NDUFS6: variants seen among roughly 807,000 people sequenced by gnomAD.
NDUFS6 encodes NADH dehydrogenase [ubiquinone] iron-sulfur protein 6, mitochondrial.
A neutral mutation model predicts 13.2 loss-of-function variants in NDUFS6; 14 were observed. The ratio of observed to expected loss-of-function variants is 1.06; its 90% CI spans 0.70 to 1.66. The LOEUF (loss-of-function observed/expected upper bound fraction) is 1.66, where lower values mean the gene tolerates loss of function less well. NDUFS6 is among the 40% of genes most tolerant of loss of function. The probability of loss-of-function intolerance (pLI) is 0.00; values close to 1 mark genes in which losing one functional copy is unlikely to be tolerated. For synonymous variants in NDUFS6, 95 were observed against 72.3 expected, an observed-to-expected ratio of 1.31 and a Z score of -1.60; for missense variants, 206 against 170.8, an observed-to-expected ratio of 1.21 and a Z score of -1.15.
Position 1,802,305 on chromosome 5 carries a change from TTTTG to T in NDUFS6, c.133-12_133-9del, listed in dbSNP as rs1181656928. Reference sequence around the variant, plus strand: ...AGGCCGTAAAAGTCACACATGGTCTTTTTGTTTTTTTCCAGGTTTATGATGATAA... The same window carrying T: ...AGGCCGTAAAAGTCACACATGGTCTTTTTTTTTCCAGGTTTATGATGATAA... On this transcript the variant is annotated splice_polypyrimidine_tract_variant and intron_variant, in intron 1 of 3. Transcript: ENST00000274137. 1 of 1,613,242 alleles carries T rather than the reference TTTTG, an allele frequency of 6.2e-7. No individual in the cohort carries two copies. Among genetic ancestry groups the T allele is most frequent in the Non-Finnish European group, 8.5e-7 (1 of 1,179,310 alleles).
In NDUFS6 at chr5:1,814,395, G is replaced by A. The variant is rs1249818876; in HGVS notation, c.243G>A (p.Glu81=). The A allele has an allele frequency of 1.9e-6, 3 of 1,614,084 alleles. No homozygotes were observed. In the African/African-American group the frequency reaches 4.0e-5, roughly 22 times the overall value. ...CAGAGCAGCCCGTGAGCGAGGTGGA[G>A]ACTCGGGTGATAGCGTGCGATGGCG... The part of the protein sequence containing the change: ...LIAEQPVSEV[E]TRVIACDGGG... Residue 81 remains glutamate, a synonymous_variant, in exon 3 of 4, where the codon GAG becomes GAA. Transcript: ENST00000274137. This position sits in a 1 kb window ranked among gnomAD's most constrained non-coding sequence, Gnocchi z 4.9.
chr5:1,811,743 C>T (rs1734222731), intron 2 of NDUFS6, among the ~76,000 whole-genome samples: 1 of 152,182 alleles, frequency 6.6e-6, no homozygotes, highest in African/African-American at 2.4e-5. Context: ...AAGACTTGAT[C>T]AGATTGAGGG....
chr5:1,810,074 C>G (rs987595356), intron 2 of NDUFS6, among the ~76,000 whole-genome samples: 1 of 142,580 alleles, frequency 7.0e-6, no homozygotes, highest in Non-Finnish European at 1.6e-5. Flanking sequence ...GCCCTGCCTC[C>G]CACTGCGTGT....
chr5:1,802,377 G>C lies in NDUFS6; in HGVS notation c.186+3G>C. ...GGTTTGTAGGTCGTCAGAAAGAGGT[G>C]AGTAAAAAATCTAGTGAAGAGAGGT... On this transcript the variant is annotated splice_donor_region_variant and intron_variant, in intron 2 of 3. Coordinates refer to ENST00000274137, the MANE Select transcript of NDUFS6 (RefSeq NM_004553.6). 6.2e-7 allele frequency: 1 copy of C among 1,613,434 alleles called. No homozygotes were observed. The highest frequency in any genetic ancestry group is 1.1e-5 in the South Asian group (1 of 91,006).
intron 2 of NDUFS6, among the ~76,000 whole-genome samples, chr5:1,813,914 G>A (rs1232665648): frequency 6.6e-6 from 1 of 152,246 alleles, no homozygotes; most frequent in South Asian, 2.1e-4. Context: ...GTTTACTGAG[G>A]TGGATAACTG....
At chr5:1,802,910 CA>C (rs759358332) in intron 2 of NDUFS6, among the ~76,000 whole-genome samples, 1 of 122,740 alleles carries the variant, frequency 8.1e-6, no homozygotes, top group African/African-American at 2.5e-5. Context: ...CTGCCTAAAT[CA>C]GCCTATTTTT....
At chr5:1,815,269 C>T (rs1049068840) in intron 3 of NDUFS6, among the ~76,000 whole-genome samples, 1 of 151,870 alleles carries the variant, frequency 6.6e-6, no homozygotes, top group African/African-American at 2.4e-5. Context: ...GGCTGCTGAC[C>T]TGGGGTGCAG....
At chr5:1,807,393 G>T (rs1734144226) in intron 2 of NDUFS6, among the ~76,000 whole-genome samples, 1 of 152,130 alleles carries the variant, frequency 6.6e-6, no homozygotes, top group African/African-American at 2.4e-5. Context: ...GAATATACGT[G>T]GTGTCCTTAG....
chr5:1,808,857 T>C (rs548334724), intron 2 of NDUFS6, among the ~76,000 whole-genome samples: 1 of 152,380 alleles, frequency 6.6e-6, no homozygotes, highest in East Asian at 1.9e-4. Context: ...TAAATAATTA[T>C]TGGCATTCAT....
intron 2 of NDUFS6, among the ~76,000 whole-genome samples, chr5:1,807,675 C>G (rs1476258256): frequency 6.6e-6 from 1 of 152,214 alleles, no homozygotes; most frequent in Admixed American, 6.5e-5. Context: ...TCACCCAGGA[C>G]AAGCGCACTC....
At position 1,815,868 on chromosome 5, in the gene NDUFS6, C is replaced by G. The variant is rs565688388; in HGVS notation, c.327C>G (p.Thr109=). The G allele has an allele frequency of 3.7e-5, 59 of 1,614,078 alleles. No individual in the cohort carries two copies. The highest frequency in any genetic ancestry group is 4.7e-5 in the Non-Finnish European group (55 of 1,180,036). Residue 109 remains threonine (T), a synonymous_variant, in exon 4 of 4, where the codon ACC becomes ACG. Transcript: ENST00000274137. ...VYINLDKETK[T]GTCGYCGLQF... ...TTTTTCAGGACAAAGAAACAAAAAC[C>G]GGCACATGCGGTTACTGTGGGCTCC... is the stretch of plus-strand genomic sequence containing the variant.
chr5:1,815,777 C>G, intron 3 of NDUFS6, 74 bp from the exon 4 acceptor site: 2 of 1,447,754 alleles, frequency 1.4e-6, no homozygotes, highest in East Asian at 2.3e-5. Context: ...TTTATACATA[C>G]ATTTTCAATG....
Position 1,801,463 on chromosome 5 carries a change from G to C in NDUFS6, c.46G>C (p.Glu16Gln). 6.2e-7 allele frequency: 1 copy of C among 1,604,204 alleles called. No homozygotes were observed. Among genetic ancestry groups the C allele is most frequent in the Non-Finnish European group, 8.5e-7 (1 of 1,178,646 alleles). ...CTGCCGGCTGCTGAACCGGTGTGGC[G>C]AGGCGGCGCGGAGCCTGCCCCTGGG... is the stretch of plus-strand genomic sequence containing the variant. ...TFCRLLNRCG[E>Q]AARSLPLGAR... The change falls in exon 1 of 4, where the codon GAG becomes CAG. Residue 16 changes from glutamate (E) to glutamine (Q), a missense_variant. Glu to Gln is a conservative substitution (Grantham distance 29, BLOSUM62 2). Coordinates refer to ENST00000274137, the MANE Select transcript of NDUFS6 (RefSeq NM_004553.6).
chr5:1,804,181 T>C (rs1389169929), intron 2 of NDUFS6, among the ~76,000 whole-genome samples: 1 of 152,266 alleles, frequency 6.6e-6, no homozygotes, highest in Non-Finnish European at 1.5e-5. Flanking sequence ...TGAGCAGTTC[T>C]GGAGCAGATT....
In NDUFS6 at chr5:1,814,584, G is replaced by C; in HGVS notation, c.309+123G>C. 1 of 1,438,380 alleles carries C rather than the reference G, an allele frequency of 7.0e-7. No homozygotes were observed. Among genetic ancestry groups the C allele is most frequent in the Non-Finnish European group, 9.5e-7 (1 of 1,047,172 alleles). The allele number at this position is 1,438,380 out of a possible 1,614,324, so 89.1% of individuals were successfully genotyped here. A position where few individuals can be genotyped will look rare whatever the true frequency, so the allele number is the denominator to read the frequency against. On this transcript the variant is annotated intron_variant, in intron 3 of 3. Coordinates refer to ENST00000274137, the MANE Select transcript of NDUFS6 (RefSeq NM_004553.6). The surrounding 1 kb of genome is among the most constrained non-coding windows in gnomAD (Gnocchi z 4.9). ...CTGCTCCCGAGGCGGCCCTTACGGG[G>C]TTCACACTGCTGGCACATTCACCCT...
intron 2 of NDUFS6, among the ~76,000 whole-genome samples, chr5:1,804,679 A>T (rs1734097444): frequency 6.6e-6 from 1 of 152,184 alleles, no homozygotes; most frequent in Non-Finnish European, 1.5e-5. Flanking sequence ...CTTCTGAGAG[A>T]CTTAATTTTT....
intron 2 of NDUFS6, among the ~76,000 whole-genome samples, chr5:1,811,121 C>T (rs1734212051): frequency 6.6e-6 from 1 of 152,176 alleles, no homozygotes. Flanking sequence ...CTCTAGCTTA[C>T]TTTATTATAA....
Position 1,812,373 on chromosome 5 carries a change from A to G in NDUFS6, c.187-1966A>G, listed in dbSNP as rs148884949. 2.9e-3 allele frequency among the ~76,000 whole-genome samples: 438 copies of G among 151,756 alleles called. 2 individuals are homozygous for G. Among genetic ancestry groups the G allele is most frequent in the Non-Finnish European group, 5.3e-3 (359 of 67,908 alleles). On this transcript the variant is annotated intron_variant, in intron 2 of 3. Coordinates refer to ENST00000274137, the MANE Select transcript of NDUFS6 (RefSeq NM_004553.6). ...AACTTTGGGGGAGCACATTCAAACCATAGTACCTGGTAAGGTAATTAATGA... is the reference window on the plus strand; with the variant it reads ...AACTTTGGGGGAGCACATTCAAACCGTAGTACCTGGTAAGGTAATTAATGA...
intron 3 of NDUFS6, 116 bp from the exon 4 acceptor site, chr5:1,815,735 A>T: frequency 9.6e-7 from 1 of 1,037,316 alleles, no homozygotes; most frequent in Non-Finnish European, 1.5e-6. Flanking sequence ...CTTCAGTAGT[A>T]ACTGCGTATT....
Sources: allele counts gnomAD v4.1 joint callset (sites outside exome capture counted in the v4.1 genomes callset), GRCh38; gene constraint gnomAD v4.1.1; non-coding constraint Gnocchi (gnomAD v3.1); transcripts MANE v1.5; gene names NCBI Gene and HGNC (gene_info 2026-07-23, HGNC 2026-07-21).